The following PTPN13 variants were observed in gnomAD, a reference collection of about 807,000 sequenced individuals.
PTPN13 encodes protein tyrosine phosphatase non-receptor type 13.
In PTPN13, 191 loss-of-function variants were observed where a neutral mutation model predicts 284.0. That is an observed-to-expected ratio of 0.67 (90% CI 0.60 to 0.76). The LOEUF is 0.76. Among genes scored for constraint, PTPN13 ranks in the 30% least tolerant of loss-of-function variants. The pLI is 0.00. For missense variants in PTPN13, 2,797 were observed against 2,939.9 expected, an observed-to-expected ratio of 0.95 and a Z score of 1.12; for synonymous variants, 986 against 1,022.3, an observed-to-expected ratio of 0.96 and a Z score of 0.68.
intron 16 of PTPN13, among the ~76,000 whole-genome samples, chr4:86,744,418 G>T (rs1490752507): frequency 3.3e-5 from 5 of 152,002 alleles, no homozygotes; most frequent in Admixed American, 3.3e-4. Context: ...TCTTATCAAA[G>T]GAATCTGTTT....
chr4:86,792,146 G>C (rs1004505917), intron 40 of PTPN13, among the ~76,000 whole-genome samples: 2 of 152,166 alleles, frequency 1.3e-5, no homozygotes, highest in African/African-American at 2.4e-5. Context: ...AGAATAAACA[G>C]TGTAGAGAAG....
chr4:86,765,760 T>C (rs1739229536), intron 26 of PTPN13, among the ~76,000 whole-genome samples: 1 of 152,112 alleles, frequency 6.6e-6, no homozygotes, highest in Non-Finnish European at 1.5e-5. Context: ...AGTGCTTTCA[T>C]TCATATTTTA....
intron 1 of PTPN13, among the ~76,000 whole-genome samples, chr4:86,614,606 T>C (rs1720330347): frequency 6.6e-6 from 1 of 152,022 alleles, no homozygotes; most frequent in African/African-American, 2.4e-5. Context: ...GTATTTATAG[T>C]GAAACAAAAA....
chr4:86,778,490 A>G (rs1482101582), intron 35 of PTPN13, among the ~76,000 whole-genome samples: 1 of 152,210 alleles, frequency 6.6e-6, no homozygotes, highest in Non-Finnish European at 1.5e-5. Flanking sequence ...CTGGTATCAC[A>G]TCACACAAAA....
Position 86,771,200 on chromosome 4 carries a change from TC to T in PTPN13, c.4835del (p.Pro1612GlnfsTer52). On this transcript the variant is annotated frameshift_variant, in exon 31 of 48. Coordinates refer to ENST00000411767, the MANE Select transcript of PTPN13 (RefSeq NM_080683.3). LOFTEE classifies it high-confidence loss of function. ...CACTTCAGTCTCCAGCACAAGTACT[TC>T]CAAACAGCAGTAAAGACTCTTCTCA... Reference protein sequence around the residue: ...TPLQSPAQVLPNSSKDSSQPS... With the variant: ...TPLQSPAQVLXNSSKDSSQPS... 1 of 1,612,020 alleles carries T rather than the reference TC, an allele frequency of 6.2e-7. No individual in the cohort carries two copies. Among genetic ancestry groups the T allele is most frequent in the Non-Finnish European group, 8.5e-7 (1 of 1,179,018 alleles).
chr4:86,721,084 A>G (rs1565409956), intron 9 of PTPN13, among the ~76,000 whole-genome samples: 1 of 149,584 alleles, frequency 6.7e-6, no homozygotes, highest in East Asian at 2.1e-4. Flanking sequence ...TTTGTTTTTG[A>G]TTTTTGTCTC....
Position 86,734,453 on chromosome 4 carries a change from T to C in PTPN13, c.2009T>C (p.Ile670Thr), listed in dbSNP as rs758050454. The C allele has an allele frequency of 1.3e-6, 2 of 1,546,784 alleles. No homozygotes were observed. The highest frequency in any genetic ancestry group is 1.7e-6 in the Non-Finnish European group (2 of 1,145,122). Residue 670 changes from isoleucine to threonine, a missense_variant, in exon 13 of 48, where the codon ATA becomes ACA. By Grantham distance (89) the Ile-to-Thr change is moderately conservative. Coordinates refer to ENST00000411767, the MANE Select transcript of PTPN13 (RefSeq NM_080683.3). ...TTTTTTATGGATGATGTTAGTCTAA[T>C]ACAGTGAGTACACAAGAGTTTCTCT... The part of the protein sequence containing the change: ...IKFFMDDVSL[I>T]QHTLTCHQYY...
intron 35 of PTPN13, among the ~76,000 whole-genome samples, chr4:86,776,460 A>G (rs28411302): frequency 0.1 from 15,186 of 152,240 alleles, 883 homozygotes; most frequent in Non-Finnish European, 0.11. Flanking sequence ...AATCTCACCA[A>G]TCACTACTAT....
rs892400630 is a variant in PTPN13, at chr4:86,727,005, G to A, written c.1608+4571G>A. 4.7e-5 allele frequency among the ~76,000 whole-genome samples: 7 copies of A among 149,582 alleles called. 1 individual carries two copies. The highest frequency in any genetic ancestry group is 2.0e-4 in the Admixed American group (3 of 14,940). On this transcript the variant is annotated intron_variant, in intron 10 of 47. Coordinates refer to ENST00000411767, the MANE Select transcript of PTPN13 (RefSeq NM_080683.3). The stretch of plus-strand genomic sequence containing the variant: ...AAGTTCCACCAATACCTAGTTTATT[G>A]AGAGTTTTTAGCATGAAGGGCTGTT...
chr4:86,780,479 A>G lies in PTPN13; in HGVS notation c.5962+7A>G. On this transcript the variant is annotated splice_region_variant and intron_variant, in intron 36 of 47. Coordinates refer to ENST00000411767, the MANE Select transcript of PTPN13 (RefSeq NM_080683.3). Reference sequence around the variant, plus strand: ...AAGTCAACCAAAGGCAATGGTAAGGATATATTCATTTTACTGTACTCTCCT... The same window carrying G: ...AAGTCAACCAAAGGCAATGGTAAGGGTATATTCATTTTACTGTACTCTCCT... The G allele has an allele frequency of 1.9e-6, 3 of 1,581,854 alleles. No individual in the cohort carries two copies. Among genetic ancestry groups the G allele is most frequent in the Non-Finnish European group, 2.6e-6 (3 of 1,153,004 alleles).
chr4:86,598,570 A>C (rs80296492), intron 1 of PTPN13, among the ~76,000 whole-genome samples: 2 of 152,240 alleles, frequency 1.3e-5, no homozygotes, highest in Admixed American at 6.5e-5. Flanking sequence ...ACAAAAACCT[A>C]TAACTACTCA....
intron 27 of PTPN13, among the ~76,000 whole-genome samples, chr4:86,767,025 T>A (rs1051228728): frequency 1.3e-5 from 2 of 151,930 alleles, no homozygotes; most frequent in Non-Finnish European, 2.9e-5. Context: ...GCTCAGGTGA[T>A]CCCCCTGCCT....
At chr4:86,613,305 A>G (rs1358528872) in intron 1 of PTPN13, among the ~76,000 whole-genome samples, 1 of 152,202 alleles carries the variant, frequency 6.6e-6, no homozygotes. Context: ...TTGTTTGCAC[A>G]AATAGTTTAG....
intron 10 of PTPN13, among the ~76,000 whole-genome samples, chr4:86,725,219 G>A (rs752101961): frequency 2.7e-5 from 4 of 149,932 alleles, no homozygotes; most frequent in East Asian, 3.9e-4. Flanking sequence ...GTCTATCATC[G>A]ATGGACATTT....
intron 6 of PTPN13, among the ~76,000 whole-genome samples, chr4:86,700,498 A>AT (rs1731042244): frequency 6.6e-6 from 1 of 152,122 alleles, no homozygotes; most frequent in Non-Finnish European, 1.5e-5. Context: ...ATGACTACTG[A>AT]TTTTTAACTA....
intron 3 of PTPN13, among the ~76,000 whole-genome samples, chr4:86,685,214 GA>G (rs1729319110): frequency 6.6e-6 from 1 of 152,086 alleles, no homozygotes; most frequent in Non-Finnish European, 1.5e-5. Flanking sequence ...ACAACCTAAA[GA>G]GAAGTCCTTT....
At chr4:86,653,381 T>C (rs901466497) in intron 2 of PTPN13, among the ~76,000 whole-genome samples, 4 of 152,200 alleles carry the variant, frequency 2.6e-5, no homozygotes, top group Non-Finnish European at 5.9e-5. Context: ...TACCCAACTT[T>C]CTTGACAAGG....
intron 6 of PTPN13, among the ~76,000 whole-genome samples, chr4:86,697,731 G>A (rs1730723005): frequency 1.3e-5 from 2 of 152,102 alleles, no homozygotes; most frequent in South Asian, 4.1e-4. Context: ...ATGGGGACTT[G>A]GGGAGCCTCT....
chr4:86,640,535 A>G (rs1723659923), intron 2 of PTPN13, among the ~76,000 whole-genome samples: 1 of 152,214 alleles, frequency 6.6e-6, no homozygotes, highest in Non-Finnish European at 1.5e-5. Context: ...AAAAGACACA[A>G]CTGCAAATTT....
Sources: allele counts gnomAD v4.1 joint callset (sites outside exome capture counted in the v4.1 genomes callset), GRCh38; gene constraint gnomAD v4.1.1; transcripts MANE v1.5; gene names NCBI Gene and HGNC (gene_info 2026-07-23, HGNC 2026-07-21).